IQCM: variants seen among roughly 807,000 people sequenced by gnomAD.
The protein encoded by IQCM is IQ domain-containing protein M.
IQCM carries 45 observed loss-of-function variants against 57.6 expected under a neutral mutation model. That is an observed-to-expected ratio of 0.78 (90% CI 0.62 to 1.00). IQCM has a LOEUF of 1.00. Ranked by LOEUF, IQCM falls within the 50% of genes least tolerant of loss-of-function variation. IQCM has a pLI of 0.00. For synonymous variants in IQCM, 148 were observed against 158.9 expected, an observed-to-expected ratio of 0.93 and a Z score of 0.51; for missense variants, 468 against 511.6, an observed-to-expected ratio of 0.91 and a Z score of 0.82.
intron 8 of IQCM, among the ~76,000 whole-genome samples, chr4:149,595,779 T>C (rs548063914): frequency 1.0e-3 from 156 of 152,260 alleles, no homozygotes; most frequent in African/African-American, 3.6e-3. Flanking sequence ...AACCACAGGA[T>C]GGTTTAAAAG....
At chr4:149,716,750 A>C (rs1163806677) in intron 5 of IQCM, among the ~76,000 whole-genome samples, 2 of 152,218 alleles carry the variant, frequency 1.3e-5, no homozygotes, top group African/African-American at 2.4e-5. Context: ...GGTAAATGAC[A>C]ACCCCATCCA....
At chr4:149,545,974 C>T (rs566203329) in intron 12 of IQCM, among the ~76,000 whole-genome samples, 11 of 152,212 alleles carry the variant, frequency 7.2e-5, no homozygotes, top group South Asian at 2.1e-4. Context: ...CCCACTCCCC[C>T]GACCCCACGA....
intron 7 of IQCM, among the ~76,000 whole-genome samples, chr4:149,679,799 A>G (rs1030189071): frequency 3.3e-5 from 5 of 151,428 alleles, no homozygotes; most frequent in Non-Finnish European, 5.9e-5. Flanking sequence ...ATATTCATTG[A>G]AGCTATAAAT....
At chr4:149,702,887 C>T (rs1007990952) in intron 5 of IQCM, among the ~76,000 whole-genome samples, 1 of 151,842 alleles carries the variant, frequency 6.6e-6, no homozygotes, top group African/African-American at 2.4e-5. Context: ...CAAATAATGA[C>T]TAATTATGCT....
chr4:149,743,552 G>A (rs905780957), intron 2 of IQCM, among the ~76,000 whole-genome samples: 2 of 152,270 alleles, frequency 1.3e-5, no homozygotes, highest in Middle Eastern at 6.8e-3. Flanking sequence ...AGTTCTCAAT[G>A]CTGGATGAAT....
At chr4:149,480,325 C>T (rs1740641697) in intron 12 of IQCM, among the ~76,000 whole-genome samples, 1 of 151,864 alleles carries the variant, frequency 6.6e-6, no homozygotes, top group Non-Finnish European at 1.5e-5. Flanking sequence ...TGACTATAGC[C>T]CCCTGTTGTG....
chr4:149,814,197 A>C (rs1774842267), intron 2 of IQCM, among the ~76,000 whole-genome samples: 1 of 152,024 alleles, frequency 6.6e-6, no homozygotes. Context: ...AAATACAGAG[A>C]ATTATGTTTT....
intron 10 of IQCM, among the ~76,000 whole-genome samples, chr4:149,559,099 C>A (rs1476699937): frequency 1.3e-5 from 2 of 152,154 alleles, no homozygotes; most frequent in Non-Finnish European, 2.9e-5. Flanking sequence ...TCCTCCTTAT[C>A]TCCAAATACA....
chr4:149,685,763 T>C (rs917896365), intron 6 of IQCM, among the ~76,000 whole-genome samples: 9 of 151,580 alleles, frequency 5.9e-5, no homozygotes, highest in East Asian at 1.9e-4. Flanking sequence ...TTACCAAATA[T>C]GTGCTGAAGG....
chr4:149,469,787 C>T (rs190694392), intron 12 of IQCM, among the ~76,000 whole-genome samples: 2 of 152,160 alleles, frequency 1.3e-5, no homozygotes, highest in African/African-American at 4.8e-5. Context: ...GGCAGAAACT[C>T]TACAAGCGAG....
chr4:149,403,430 T>C (rs1002868925), intron 13 of IQCM, among the ~76,000 whole-genome samples: 3 of 152,034 alleles, frequency 2.0e-5, no homozygotes, highest in Non-Finnish European at 4.4e-5. Flanking sequence ...TTATGCCATT[T>C]ACAATGTTTT....
At chr4:149,430,523 AG>A in intron 13 of IQCM, among the ~76,000 whole-genome samples, 1 of 151,982 alleles carries the variant, frequency 6.6e-6, no homozygotes, top group Non-Finnish European at 1.5e-5. Flanking sequence ...CCCCATTCCC[AG>A]GTAGCCACGG....
chr4:149,519,268 A>AT (rs141448145), intron 12 of IQCM, among the ~76,000 whole-genome samples: 22,596 of 152,088 alleles, frequency 0.15, 2,104 homozygotes, highest in South Asian at 0.33. Context: ...AATTATTGTA[A>AT]TTTTTTTGCT....
At chr4:149,503,424 G>A (rs1278443690) in intron 12 of IQCM, among the ~76,000 whole-genome samples, 1 of 152,044 alleles carries the variant, frequency 6.6e-6, no homozygotes, top group African/African-American at 2.4e-5. Flanking sequence ...CCAGATTAAA[G>A]ACATTTGAGG....
intron 13 of IQCM, among the ~76,000 whole-genome samples, chr4:149,360,075 C>T (rs1377156869): frequency 6.6e-6 from 1 of 151,738 alleles, no homozygotes; most frequent in African/African-American, 2.4e-5. Flanking sequence ...AAAGTGAAAG[C>T]ACTACCTAAC....
intron 13 of IQCM, among the ~76,000 whole-genome samples, chr4:149,421,791 A>G (rs1472941719): frequency 8.5e-5 from 13 of 152,066 alleles, no homozygotes; most frequent in South Asian, 6.2e-4. Context: ...TGGTTTTAGT[A>G]TAAGATTTAC....
chr4:149,674,417 A>T (rs891013773), intron 7 of IQCM, among the ~76,000 whole-genome samples: 1 of 152,140 alleles, frequency 6.6e-6, no homozygotes, highest in East Asian at 1.9e-4. Context: ...TGGAGATTAT[A>T]TTCTAGCAGG....
At chr4:149,546,389 C>T (rs898513831) in intron 12 of IQCM, among the ~76,000 whole-genome samples, 10 of 152,240 alleles carry the variant, frequency 6.6e-5, no homozygotes, top group South Asian at 4.1e-4. Context: ...CCTGAGGAAT[C>T]GCCACACTGT....
chr4:149,627,308 G>A (rs1178002486), intron 7 of IQCM, among the ~76,000 whole-genome samples: 1 of 152,174 alleles, frequency 6.6e-6, no homozygotes, highest in Non-Finnish European at 1.5e-5. Context: ...CAGAGAACCA[G>A]GCATTGACAC....
Sources: allele counts gnomAD v4.1 joint callset (sites outside exome capture counted in the v4.1 genomes callset), GRCh38; gene constraint gnomAD v4.1.1; transcripts MANE v1.5; gene names NCBI Gene and HGNC (gene_info 2026-07-23, HGNC 2026-07-21).